The following DIAPH1 variants were observed in gnomAD, a reference collection of about 807,000 sequenced individuals.
DIAPH1 encodes protein diaphanous homolog 1.
In DIAPH1, 46 loss-of-function variants were observed where a neutral mutation model predicts 140.7. The ratio of observed to expected loss-of-function variants is 0.33; its 90% CI spans 0.26 to 0.42. The LOEUF (loss-of-function observed/expected upper bound fraction) is 0.42. DIAPH1 is among the 10% of genes least tolerant of loss of function. DIAPH1 has a pLI of 1.00. For synonymous variants in DIAPH1, 565 were observed against 551.6 expected, an observed-to-expected ratio of 1.02 and a Z score of -0.34; for missense variants, 1,310 against 1,558.7, an observed-to-expected ratio of 0.84 and a Z score of 2.69.
chr5:141,539,959 G>A (rs2099889721), intron 18 of DIAPH1, among the ~76,000 whole-genome samples: 1 of 145,858 alleles, frequency 6.9e-6, no homozygotes, highest in South Asian at 2.2e-4. Flanking sequence ...CTTTCCTTCT[G>A]CTTGCTTTAG....
chr5:141,616,117 T>G (rs905319400), intron 1 of DIAPH1, among the ~76,000 whole-genome samples: 6 of 152,214 alleles, frequency 3.9e-5, no homozygotes, highest in African/African-American at 1.4e-4. Flanking sequence ...CAGCCTGGCT[T>G]CAGCCACTCA....
chr5:141,546,824 T>C (rs2099890875), intron 18 of DIAPH1, among the ~76,000 whole-genome samples: 1 of 152,218 alleles, frequency 6.6e-6, no homozygotes, highest in African/African-American at 2.4e-5. Context: ...CAACCACGTC[T>C]TGGCACAGCT....
intron 27 of DIAPH1, among the ~76,000 whole-genome samples, chr5:141,519,320 C>T (rs1405474257): frequency 1.3e-5 from 2 of 152,176 alleles, no homozygotes; most frequent in Non-Finnish European, 2.9e-5. Context: ...AGTTTCCTAT[C>T]ATTTTATTAT....
intron 18 of DIAPH1, among the ~76,000 whole-genome samples, chr5:141,544,490 C>T (rs187507457): frequency 6.6e-6 from 1 of 151,898 alleles, no homozygotes; most frequent in Non-Finnish European, 1.5e-5. Context: ...AACTAGTATA[C>T]CCAACACAGA....
chr5:141,611,720 A>G (rs1198417726), intron 1 of DIAPH1, among the ~76,000 whole-genome samples: 2 of 152,238 alleles, frequency 1.3e-5, no homozygotes, highest in Non-Finnish European at 2.9e-5. Flanking sequence ...AGATATATAA[A>G]CAGCAAGTAA....
intron 18 of DIAPH1, among the ~76,000 whole-genome samples, chr5:141,562,299 A>AT (rs2099893674): frequency 6.6e-6 from 1 of 152,088 alleles, no homozygotes; most frequent in African/African-American, 2.4e-5. Context: ...ATGCCTGCTT[A>AT]TTAAAAACTT....
intron 1 of DIAPH1, among the ~76,000 whole-genome samples, chr5:141,595,877 A>T (rs1369677710): frequency 3.3e-5 from 5 of 152,162 alleles, no homozygotes; most frequent in African/African-American, 1.2e-4. Flanking sequence ...GCTCTTCAAA[A>T]AAAAGGCTTA....
rs377072671 is a variant in DIAPH1, at chr5:141,537,255, G to A, written c.2483-2822C>T. ...TCCCAGCACTTTGGGAGGCTGAGGC[G>A]GGCGGATCACCTGAAGTCGGGAGTT... On this transcript the variant is annotated intron_variant, in intron 18 of 27. Coordinates refer to ENST00000389054, the MANE Select transcript of DIAPH1 (RefSeq NM_005219.5). Among the ~76,000 whole-genome samples, 38 of 151,938 alleles carry A rather than the reference G, an allele frequency of 2.5e-4. No homozygotes were observed. In the East Asian group the frequency reaches 4.5e-3, roughly 18 times the overall value.
At chr5:141,618,100 C>T (rs893275680) in intron 1 of DIAPH1, among the ~76,000 whole-genome samples, 1 of 152,204 alleles carries the variant, frequency 6.6e-6, no homozygotes, top group Non-Finnish European at 1.5e-5. Context: ...AAGTGATAAG[C>T]AACAGGGCAA....
At chr5:141,539,957 C>T (rs1017696111) in intron 18 of DIAPH1, among the ~76,000 whole-genome samples, 1 of 149,780 alleles carries the variant, frequency 6.7e-6, no homozygotes, top group South Asian at 2.1e-4. Flanking sequence ...TTCTTTCCTT[C>T]TGCTTGCTTT....
At chr5:141,529,051 A>G (rs1288490581) in intron 21 of DIAPH1, 110 bp from the exon 22 acceptor site, 5 of 1,579,340 alleles carry the variant, frequency 3.2e-6, no homozygotes, top group Non-Finnish European at 4.3e-6. Context: ...CAGGGAGAAG[A>G]GAGAGATTAA....
chr5:141,588,395 C>A, intron 1 of DIAPH1, 145 bp from the exon 2 acceptor site: 43 of 594,624 alleles, frequency 7.2e-5, no homozygotes, highest in East Asian at 1.2e-4. Flanking sequence ...TGATTTCTGT[C>A]AAAGTATTCC....
Position 141,516,602 on chromosome 5 carries a change from T to G in DIAPH1, c.*249A>C. 1.8e-6 allele frequency: 1 copy of G among 552,992 alleles called. No individual in the cohort carries two copies. 34.3% of individuals were successfully genotyped at this position (552,992 alleles called of 1,614,324 possible). On this transcript the variant is annotated 3_prime_UTR_variant, in exon 28 of 28. Coordinates refer to ENST00000389054, the MANE Select transcript of DIAPH1 (RefSeq NM_005219.5). ...TAAGGCAGCAAACATGGACCCTGCT[T>G]TGGTAATACAACAGCCAGGGCTGGC...
chr5:141,588,048 C>T (rs957892495), intron 2 of DIAPH1, among the ~76,000 whole-genome samples, 176 bp downstream of exon 2: 5 of 152,050 alleles, frequency 3.3e-5, no homozygotes, highest in African/African-American at 7.2e-5. Context: ...TGAAGGTCCA[C>T]GGAAATGCAT....
intron 7 of DIAPH1, 137 bp from the exon 8 acceptor site, chr5:141,581,020 A>C: frequency 1.1e-6 from 1 of 925,202 alleles, no homozygotes; most frequent in Non-Finnish European, 1.7e-6. Flanking sequence ...GTACCTCAAA[A>C]TGTAACCTCA....
intron 18 of DIAPH1, among the ~76,000 whole-genome samples, chr5:141,569,067 C>T (rs2099894782): frequency 6.6e-6 from 1 of 151,898 alleles, no homozygotes; most frequent in African/African-American, 2.4e-5. Flanking sequence ...CAGTCACTGC[C>T]AATTCAAGGA....
intron 27 of DIAPH1, among the ~76,000 whole-genome samples, chr5:141,522,413 A>G (rs1387147171): frequency 2.0e-5 from 3 of 151,970 alleles, no homozygotes; most frequent in African/African-American, 7.2e-5. Context: ...CTGATTTTCT[A>G]CTTGGAAAGA....
At position 141,526,145 on chromosome 5, in the gene DIAPH1, C is replaced by T. The variant is rs764296073; in HGVS notation, c.3467G>A (p.Arg1156Gln). 23 of 1,613,924 alleles carry T rather than the reference C, an allele frequency of 1.4e-5. No homozygotes were observed. Among genetic ancestry groups the T allele is most frequent in the East Asian group, 2.2e-5 (1 of 44,876 alleles). ...LQAVKENQKR[R>Q]ETEEKMRRAK... ...TCGCCTCATCTTTTCTTCTGTCTCC[C>T]GCCGCTTCTGGTTCTCCTTGACTGC... The change falls in exon 26 of 28, where the codon CGG (arginine) becomes CAG (glutamine). Residue 1156 changes from arginine to glutamine, a missense_variant. This residue lies in a region of DIAPH1 where 344 missense variants were observed against 512.2 expected (regional missense o/e 0.67). Coordinates refer to ENST00000389054, the MANE Select transcript of DIAPH1 (RefSeq NM_005219.5).
intron 26 of DIAPH1, 46 bp downstream of exon 26, chr5:141,525,992 T>C: frequency 6.2e-7 from 1 of 1,612,172 alleles, no homozygotes; most frequent in Non-Finnish European, 8.5e-7. Flanking sequence ...AGAGAAGTCT[T>C]CCCAACATTC....
Sources: gnomAD v4.1 joint callset for allele counts (sites outside exome capture counted in the v4.1 genomes callset) on GRCh38, gnomAD v4.1.1 for gene constraint, gnomAD v4.1.1 regional missense constraint, MANE v1.5 for transcripts, NCBI Gene and HGNC (gene_info 2026-07-23, HGNC 2026-07-21) for gene names.